Variants in CSMD1 observed in about 807,000 individuals in gnomAD.
The protein encoded by CSMD1 is CUB and Sushi multiple domains 1.
In CSMD1, 213 loss-of-function variants were observed where a neutral mutation model predicts 417.5. The observed-to-expected ratio is 0.51, with a 90% confidence interval of 0.46 to 0.57. The LOEUF is 0.57. Among genes scored for constraint, CSMD1 ranks in the 20% least tolerant of loss-of-function variants. CSMD1 has a pLI of 0.00. For synonymous variants in CSMD1, 2,862 were observed against 1,736.8 expected (o/e 1.65, Z -16.11); for missense variants, 6,923 against 4,529.7 (o/e 1.53, Z -15.17).
chr8:4,764,198 G>A (rs761974472), intron 1 of CSMD1, among the ~76,000 whole-genome samples: 16 of 152,134 alleles, frequency 1.1e-4, no homozygotes, highest in Non-Finnish European at 1.0e-4. Flanking sequence ...GTGACCATGT[G>A]TTTTTCAGAG....
intron 5 of CSMD1, among the ~76,000 whole-genome samples, chr8:3,825,171 G>T (rs1002955143): frequency 2.6e-5 from 4 of 152,088 alleles, no homozygotes; most frequent in Non-Finnish European, 5.9e-5. Flanking sequence ...GAAGCTGTAG[G>T]TGAGGGTTTA....
At chr8:3,201,569 A>G in intron 32 of CSMD1, 43 bp downstream of exon 32, 2 of 1,058,850 alleles carry the variant, frequency 1.9e-6, no homozygotes, top group Non-Finnish European at 1.4e-6. Context: ...TAATCCCCCT[A>G]GCTGTCTGAA....
intron 1 of CSMD1, among the ~76,000 whole-genome samples, chr8:4,950,416 ATTCTT>A (rs1808662550): frequency 6.6e-6 from 1 of 151,990 alleles, no homozygotes; most frequent in Non-Finnish European, 1.5e-5. Context: ...GCGTTTTTAG[ATTCTT>A]TTATTTTAAA....
rs796777731 is a variant in CSMD1 at position 3,984,557 on chromosome 8, A to AAT, written c.818+13344_818+13345dup. On this transcript the variant is annotated intron_variant, in intron 5 of 69. Transcript: ENST00000635120. ...GATTTTTCGTCTAGGTATATTAAAA[A>AAT]ATATATATATAGCCAAGTACAATAT... Among the ~76,000 whole-genome samples the AAT allele has an allele frequency of 3.3e-5, 5 of 151,642 alleles. No homozygotes were observed. The South Asian group carries it at 6.3e-4, about 19-fold the overall frequency.
chr8:4,873,656 T>C (rs2116924705), intron 1 of CSMD1, among the ~76,000 whole-genome samples: 1 of 152,282 alleles, frequency 6.6e-6, no homozygotes. Context: ...ACTTTCCATC[T>C]ATCCATTCAG....
At chr8:3,730,596 C>A (rs996459001) in intron 6 of CSMD1, among the ~76,000 whole-genome samples, 1 of 152,056 alleles carries the variant, frequency 6.6e-6, no homozygotes, top group African/African-American at 2.4e-5. Context: ...GGTTTCAGTG[C>A]CTACATGTGC....
chr8:4,366,050 CAGAT>C (rs1411642593), intron 3 of CSMD1, among the ~76,000 whole-genome samples: 3 of 152,070 alleles, frequency 2.0e-5, no homozygotes. Flanking sequence ...CAGTACCTGA[CAGAT>C]AGCCTTCCAA....
intron 25 of CSMD1, among the ~76,000 whole-genome samples, chr8:3,287,041 T>A (rs1370582233): frequency 6.6e-6 from 1 of 152,122 alleles, no homozygotes; most frequent in African/African-American, 2.4e-5. Context: ...TTTCTACATA[T>A]GGCTAGCCAG....
intron 53 of CSMD1, among the ~76,000 whole-genome samples, chr8:2,998,753 T>C (rs1444371557): frequency 6.6e-6 from 1 of 152,232 alleles, no homozygotes; most frequent in Non-Finnish European, 1.5e-5. Context: ...GAACTGTCAA[T>C]ATGTCATGCC....
At chr8:3,067,044 T>A (rs1044804420) in intron 49 of CSMD1, among the ~76,000 whole-genome samples, 2 of 152,080 alleles carry the variant, frequency 1.3e-5, no homozygotes, top group Non-Finnish European at 2.9e-5. Context: ...CAACCTCATC[T>A]CTTTCGCTCA....
At chr8:4,867,648 G>C (rs1370883565) in intron 1 of CSMD1, among the ~76,000 whole-genome samples, 1 of 152,038 alleles carries the variant, frequency 6.6e-6, no homozygotes, top group Non-Finnish European at 1.5e-5. Flanking sequence ...TGCCAGATTG[G>C]AAATAGAATG....
At chr8:4,200,692 C>T (rs1585011027) in intron 3 of CSMD1, among the ~76,000 whole-genome samples, 1 of 152,032 alleles carries the variant, frequency 6.6e-6, no homozygotes, top group East Asian at 1.9e-4. Flanking sequence ...CGCACCTCTA[C>T]AAAACATAAC....
intron 3 of CSMD1, among the ~76,000 whole-genome samples, chr8:4,314,754 A>G (rs971921163): frequency 2.0e-5 from 3 of 152,308 alleles, no homozygotes; most frequent in African/African-American, 7.2e-5. Flanking sequence ...CATCTGACCC[A>G]TGTCTTCTAA....
intron 1 of CSMD1, among the ~76,000 whole-genome samples, chr8:4,849,307 AAAATT>A (rs1468391812): frequency 6.6e-6 from 1 of 152,188 alleles, no homozygotes; most frequent in Non-Finnish European, 1.5e-5. Flanking sequence ...ACATGTTTAA[AAAATT>A]AAAAGTTTAT....
chr8:3,525,139 G>C (rs945321683), intron 10 of CSMD1, among the ~76,000 whole-genome samples: 9 of 152,118 alleles, frequency 5.9e-5, no homozygotes, highest in Admixed American at 3.9e-4. Flanking sequence ...GCCACATACA[G>C]TGAGTCTTGA....
At chr8:4,178,664 T>A (rs1354786242) in intron 3 of CSMD1, among the ~76,000 whole-genome samples, 1 of 152,208 alleles carries the variant, frequency 6.6e-6, no homozygotes, top group African/African-American at 2.4e-5. Context: ...GATAATATGA[T>A]TGTTTATCTA....
At chr8:4,769,001 C>T (rs1274148036) in intron 1 of CSMD1, among the ~76,000 whole-genome samples, 1 of 151,972 alleles carries the variant, frequency 6.6e-6, no homozygotes, top group African/African-American at 2.4e-5. Flanking sequence ...GAAGAAGAGA[C>T]CAATATACCT....
chr8:3,077,725 G>C (rs1220142628), intron 49 of CSMD1, among the ~76,000 whole-genome samples: 1 of 152,216 alleles, frequency 6.6e-6, no homozygotes, highest in African/African-American at 2.4e-5. Flanking sequence ...TTTTCCCCCA[G>C]AGCTGCTCTT....
At chr8:4,752,888 T>C (rs891600221) in intron 1 of CSMD1, among the ~76,000 whole-genome samples, 4 of 152,138 alleles carry the variant, frequency 2.6e-5, no homozygotes, top group African/African-American at 4.8e-5. Context: ...CTCCCAAAGA[T>C]CCTGCACCAC....
Sources: allele counts gnomAD v4.1 joint callset (sites outside exome capture counted in the v4.1 genomes callset), GRCh38; gene constraint gnomAD v4.1.1; transcripts MANE v1.5; gene names NCBI Gene and HGNC (gene_info 2026-07-23, HGNC 2026-07-21).